The following STK40 variants were observed in gnomAD, a reference collection of about 807,000 sequenced individuals.
STK40 encodes serine/threonine-protein kinase 40.
STK40 carries 13 observed loss-of-function variants against 47.9 expected under a neutral mutation model. The observed-to-expected ratio is 0.27, with a 90% CI of 0.18 to 0.43. The LOEUF (loss-of-function observed/expected upper bound fraction) is 0.43, where lower values mean the gene tolerates loss of function less well. STK40 is among the 20% of genes least tolerant of loss of function. The probability of loss-of-function intolerance (pLI) is 1.00; values close to 1 mark genes in which losing one functional copy is unlikely to be tolerated. For missense variants in STK40, 460 were observed against 595.1 expected, an observed-to-expected ratio of 0.77 and a Z score of 2.36; for synonymous variants, 225 against 243.2, an observed-to-expected ratio of 0.93 and a Z score of 0.69.
chr1:36,350,022 C>T (rs115582960), intron 6 of STK40, among the ~76,000 whole-genome samples: 2,018 of 152,202 alleles, frequency 0.013, 36 homozygotes, highest in Non-Finnish European at 0.017. Flanking sequence ...CCCCGGGAGC[C>T]GCATCCAGGC....
At chr1:36,374,278 C>G (rs913363587) in intron 1 of STK40, among the ~76,000 whole-genome samples, 1 of 152,230 alleles carries the variant, frequency 6.6e-6, no homozygotes, top group South Asian at 2.1e-4. Context: ...TTGGAGGCTG[C>G]AAAGAAAGCC....
chr1:36,362,421 G>C (rs1646860549), intron 1 of STK40: 1 of 152,180 alleles, frequency 6.6e-6, no homozygotes, highest in African/African-American at 2.4e-5. Flanking sequence ...TTCATGGTAG[G>C]AGGGCCTCAG....
chr1:36,363,814 CAAAA>C (rs1319661356), intron 1 of STK40, among the ~76,000 whole-genome samples: 1 of 55,166 alleles, frequency 1.8e-5, no homozygotes, highest in African/African-American at 6.6e-5. Flanking sequence ...GACTCTGTCT[CAAAA>C]AAAAAAAAAA....
Position 36,340,833 on chromosome 1 carries a change from C to G in STK40, c.*922G>C, listed in dbSNP as rs1209973767. 6.6e-6 allele frequency: 1 copy of G among 152,364 alleles called. No individual in the cohort carries two copies. Among genetic ancestry groups the G allele is most frequent in the Admixed American group, 6.5e-5 (1 of 15,286 alleles). The allele number at this position is 152,364 out of a possible 1,614,324, so 9.4% of individuals were successfully genotyped here. On this transcript the variant is annotated 3_prime_UTR_variant, in exon 11 of 11. Coordinates refer to ENST00000373132, the MANE Select transcript of STK40 (RefSeq NM_001282547.2). ...AGGCTAGGGGAGCGTGCAGGCAGCC[C>G]CCGCTCACGGCCAGGCCTGCAGCCC...
chr1:36,367,465 A>C (rs566973833), intron 1 of STK40, among the ~76,000 whole-genome samples: 1 of 152,162 alleles, frequency 6.6e-6, no homozygotes, highest in South Asian at 2.1e-4. Flanking sequence ...AAGTCATCTC[A>C]CCCTAAAGCT....
intron 7 of STK40, among the ~76,000 whole-genome samples, chr1:36,345,056 A>G (rs1444064464): frequency 6.6e-6 from 1 of 152,124 alleles, no homozygotes; most frequent in African/African-American, 2.4e-5. Flanking sequence ...TTTCAGGGCA[A>G]CCTGTCCACC....
chr1:36,376,596 G>A (rs1646994165), intron 1 of STK40, among the ~76,000 whole-genome samples: 1 of 152,112 alleles, frequency 6.6e-6, no homozygotes, highest in South Asian at 2.1e-4. Context: ...TATCTAAATG[G>A]CCATCCAGAG....
Position 36,348,719 on chromosome 1 carries a change from G to C in STK40, c.720C>G (p.Ile240Met). Residue 240 changes from isoleucine to methionine, a missense_variant, in exon 7 of 11, where the codon ATC becomes ATG. By Grantham distance (10) the Ile-to-Met change is conservative. Around this residue, in one of 3 missense-constraint regions of STK40, gnomAD observed 277 missense variants for 358.7 expected, o/e 0.77. Coordinates refer to ENST00000373132, the MANE Select transcript of STK40 (RefSeq NM_001282547.2). ...ACGTACCGCTGAGCACGTCGGGACT[G>C]ATGTAGGCAGGGCTCCCTCTCTGGT... ...LKDQRGSPAY[I>M]SPDVLSGRPY... The C allele has an allele frequency of 6.2e-7, 1 of 1,609,756 alleles. No homozygotes were observed. The highest frequency in any genetic ancestry group is 8.5e-7 in the Non-Finnish European group (1 of 1,177,946).
rs1052541840 is a variant in STK40, at chr1:36,340,125, C to G, written c.*1630G>C. On this transcript the variant is annotated 3_prime_UTR_variant, in exon 11 of 11. Transcript: ENST00000373132. ...CAAGACCCTGGCCCTCAGCGCTGGA[C>G]AGCTGAGACAGACGCAGGCTCGCTG... 4 of 152,866 alleles carry G rather than the reference C, an allele frequency of 2.6e-5. No homozygotes were observed. The highest frequency in any genetic ancestry group is 2.0e-4 in the Admixed American group (3 of 15,312). 9.5% of individuals were successfully genotyped at this position (152,866 alleles called of 1,614,324 possible).
chr1:36,376,521 G>A (rs2124751277), intron 1 of STK40, among the ~76,000 whole-genome samples: 1 of 152,310 alleles, frequency 6.6e-6, no homozygotes, highest in East Asian at 1.9e-4. Context: ...AGAGCCACGT[G>A]TAGCAGCAAA....
chr1:36,349,071 A>C (rs1367879758), intron 6 of STK40, among the ~76,000 whole-genome samples: 1 of 152,212 alleles, frequency 6.6e-6, no homozygotes, highest in Admixed American at 6.5e-5. Context: ...TGAGTGTTGC[A>C]CAGGCCATCC....
intron 1 of STK40, among the ~76,000 whole-genome samples, chr1:36,384,733 AC>A (rs1270062236): frequency 6.6e-6 from 1 of 152,218 alleles, no homozygotes; most frequent in Non-Finnish European, 1.5e-5. Flanking sequence ...GTCTAGATTA[AC>A]CCAACCAACA....
chr1:36,354,297 A>G, intron 6 of STK40, 67 bp downstream of exon 6: 2 of 1,550,950 alleles, frequency 1.3e-6, no homozygotes, highest in Non-Finnish European at 1.8e-6. Flanking sequence ...AGGGCACTGG[A>G]GAGTTGCAAT....
intron 1 of STK40, among the ~76,000 whole-genome samples, chr1:36,377,619 G>A (rs1647003112): frequency 6.6e-6 from 1 of 152,086 alleles, no homozygotes; most frequent in African/African-American, 2.4e-5. Flanking sequence ...AGTATGGCCT[G>A]GGAAGAGGTG....
At chr1:36,349,367 A>T (rs562492020) in intron 6 of STK40, among the ~76,000 whole-genome samples, 1 of 152,216 alleles carries the variant, frequency 6.6e-6, no homozygotes, top group South Asian at 2.1e-4. Flanking sequence ...ACAGTGGCCA[A>T]TGAGGGGGAT....
rs115130538 is a variant in STK40 at position 36,363,877 on chromosome 1, C to T, written c.-8-2537G>A. Among the ~76,000 whole-genome samples, 536 of 150,472 alleles carry T rather than the reference C, an allele frequency of 3.6e-3. 1 individual carries two copies. Among genetic ancestry groups the T allele is most frequent in the African/African-American group, 0.013 (515 of 40,870 alleles). On this transcript the variant is annotated intron_variant, in intron 1 of 10. Coordinates refer to ENST00000373132, the MANE Select transcript of STK40 (RefSeq NM_001282547.2). The stretch of plus-strand genomic sequence containing the variant: ...ACAAGTATACATCTTGTCAGCCAAG[C>T]GCGGTGGCTCACACCTGTAATCCCA...
intron 7 of STK40, among the ~76,000 whole-genome samples, chr1:36,347,374 C>T (rs1391327984): frequency 6.6e-6 from 1 of 152,078 alleles, no homozygotes; most frequent in Non-Finnish European, 1.5e-5. Flanking sequence ...GAGAAAGCAA[C>T]AGAGTCGACA....
intron 1 of STK40, among the ~76,000 whole-genome samples, chr1:36,378,753 G>A (rs1413564265): frequency 1.3e-5 from 2 of 152,202 alleles, no homozygotes; most frequent in African/African-American, 4.8e-5. Context: ...CACCGTGCCA[G>A]CCGGGCCTCC....
chr1:36,360,709 T>C (rs562257088), intron 2 of STK40, among the ~76,000 whole-genome samples: 1 of 152,188 alleles, frequency 6.6e-6, no homozygotes, highest in East Asian at 1.9e-4. Flanking sequence ...TTAATTTTTA[T>C]ATTTTTCTAG....
Sources: allele counts gnomAD v4.1 joint callset (sites outside exome capture counted in the v4.1 genomes callset), GRCh38; gene constraint gnomAD v4.1.1; regional missense constraint gnomAD v4.1.1; transcripts MANE v1.5; gene names NCBI Gene and HGNC (gene_info 2026-07-23, HGNC 2026-07-21).